Variants in ABHD16B observed in about 807,000 individuals in gnomAD.
The protein encoded by ABHD16B is abhydrolase domain containing 16B.
Under a neutral mutation model 10.5 loss-of-function variants are expected in ABHD16B, and 14 were observed. The ratio of observed to expected loss-of-function variants is 1.33; its 90% CI spans 0.88 to 2.08. ABHD16B has a LOEUF of 2.08. Among genes scored for constraint, ABHD16B ranks in the 30% most tolerant of loss-of-function variants. ABHD16B has a pLI of 0.00. For synonymous variants in ABHD16B, 374 were observed against 337.9 expected, an observed-to-expected ratio of 1.11 and a Z score of -1.17; for missense variants, 763 against 717.4, an observed-to-expected ratio of 1.06 and a Z score of -0.73.
chr20:63,862,694 C>A lies in ABHD16B; in HGVS notation c.1154C>A (p.Ala385Glu). 2 of 1,534,680 alleles carry A rather than the reference C, an allele frequency of 1.3e-6. No individual in the cohort carries two copies. The highest frequency in any genetic ancestry group is 2.4e-5 in the South Asian group (2 of 83,738). ...GSLAQEAAFYARYRVDEDWCL... is the reference protein window; with the variant it reads ...GSLAQEAAFYERYRVDEDWCL... ...TTGGCGCAGGAGGCCGCCTTCTATG[C>A]ACGCTACCGCGTGGACGAGGACTGG... is the stretch of plus-strand genomic sequence containing the variant. The change falls in exon 1 of 1, where the codon GCA (alanine) becomes GAA (glutamate). Residue 385 changes from alanine to glutamate, a missense_variant. By Grantham distance (107) the Ala-to-Glu change is moderately radical. Transcript: ENST00000369916. The surrounding 1 kb of genome is among the most constrained non-coding windows in gnomAD (Gnocchi z 7.5).
In ABHD16B at chr20:63,861,526, T is replaced by A. The variant is rs1461270693; in HGVS notation, c.-15T>A. The A allele has an allele frequency of 3.2e-6, 5 of 1,541,652 alleles. No homozygotes were observed. The African/African-American group carries it at 6.9e-5, about 21-fold the overall frequency. ...GCGATCCCGGCCCAGCGGCTGGGCG[T>A]TAGGGCCACCGCTCATGTGCGTCAT... is the stretch of plus-strand genomic sequence containing the variant. On this transcript the variant is annotated 5_prime_UTR_variant, in exon 1 of 1. Coordinates refer to ENST00000369916, the MANE Select transcript of ABHD16B (RefSeq NM_080622.4). This position sits in a 1 kb window ranked among gnomAD's most constrained non-coding sequence, Gnocchi z 5.4.
chr20:63,861,906 G>C lies in ABHD16B; in HGVS notation c.366G>C (p.Ala122=), dbSNP rs753188555. The C allele has an allele frequency of 6.3e-7, 1 of 1,587,850 alleles. No individual in the cohort carries two copies. Among genetic ancestry groups the C allele is most frequent in the Non-Finnish European group, 8.5e-7 (1 of 1,173,428 alleles). Reference sequence around the variant, plus strand: ...GCTCCGTGTCCCTGATGACGCGCGCGCTGCTGCCGCTGCTGCAGCAGGGCC... The same window carrying C: ...GCTCCGTGTCCCTGATGACGCGCGCCCTGCTGCCGCTGCTGCAGCAGGGCC... The part of the protein sequence containing the change: ...YPGSVSLMTR[A]LLPLLQQGQE... The change falls in exon 1 of 1, where the codon GCG becomes GCC. Residue 122 remains alanine, a synonymous_variant. Transcript: ENST00000369916. The surrounding 1 kb of genome is among the most constrained non-coding windows in gnomAD (Gnocchi z 5.4).
Position 63,862,524 on chromosome 20 carries a change from G to T in ABHD16B, c.984G>T (p.Ser328=), listed in dbSNP as rs750477284. Residue 328 remains serine (S), a synonymous_variant, in exon 1 of 1, where the codon TCG becomes TCT. Transcript: ENST00000369916. The surrounding 1 kb of genome is among the most constrained non-coding windows in gnomAD (Gnocchi z 7.5). ...RRTQDDVVST[S]GRLRPLSPGD... is the part of the protein sequence containing the mutation. The stretch of plus-strand genomic sequence containing the variant: ...CGCAGGATGACGTGGTCAGCACTTC[G>T]GGCCGCCTGCGCCCCCTGTCACCTG... 2 of 1,569,286 alleles carry T rather than the reference G, an allele frequency of 1.3e-6. No individual in the cohort carries two copies. Among genetic ancestry groups the T allele is most frequent in the East Asian group, 2.3e-5 (1 of 43,198 alleles).
At position 63,862,751 on chromosome 20, in the gene ABHD16B, G is replaced by A. The variant is rs2052103889; in HGVS notation, c.1211G>A (p.Arg404His). Reference sequence around the variant, plus strand: ...GCGCTGCTGCGCTCCTACCGTGCACGCTGCGAAGAGGAGCTGGAGGGCGAG... The same window carrying A: ...GCGCTGCTGCGCTCCTACCGTGCACACTGCGAAGAGGAGCTGGAGGGCGAG... ...CLALLRSYRARCEEELEGEEA... is the reference protein window; with the variant it reads ...CLALLRSYRAHCEEELEGEEA... Residue 404 changes from arginine (R) to histidine (H), a missense_variant, in exon 1 of 1, where the codon CGC (arginine) becomes CAC (histidine). Arg to His is a conservative substitution (Grantham distance 29, BLOSUM62 0). Transcript: ENST00000369916. This position sits in a 1 kb window ranked among gnomAD's most constrained non-coding sequence, Gnocchi z 7.5. The A allele has an allele frequency of 2.0e-6, 3 of 1,528,616 alleles. No individual in the cohort carries two copies. The highest frequency in any genetic ancestry group is 2.4e-5 in the South Asian group (2 of 83,226). 94.7% of individuals were successfully genotyped at this position (1,528,616 alleles called of 1,614,324 possible).
In ABHD16B at chr20:63,862,942, C is replaced by A. The variant is rs113433577; in HGVS notation, c.1402C>A (p.Arg468=). 1.8e-4 allele frequency: 271 copies of A among 1,464,882 alleles called. 3 individuals carry two copies. The East Asian group carries it at 5.7e-3, about 31-fold the overall frequency. The allele number at this position is 1,464,882 out of a possible 1,614,324, so 90.7% of individuals were successfully genotyped here. The change falls in exon 1 of 1, where the codon CGG becomes AGG. Residue 468 remains arginine, a synonymous_variant. Coordinates refer to ENST00000369916, the MANE Select transcript of ABHD16B (RefSeq NM_080622.4). This position sits in a 1 kb window ranked among gnomAD's most constrained non-coding sequence, Gnocchi z 7.5. The part of the protein sequence containing the change: ...LEPEEFQLPW[R]L ...GCCTGAGGAGTTTCAGTTGCCCTGG[C>A]GGCTGTAACCTATATGCCCCAGTGG... is the stretch of plus-strand genomic sequence containing the variant.
chr20:63,862,984 A>T lies in ABHD16B; in HGVS notation c.*34A>T. ...CCCCAGTGGGGGATCACGCACTTGA[A>T]CTCCTGGCCTTCTTGGTTCACCTCC... On this transcript the variant is annotated 3_prime_UTR_variant, in exon 1 of 1. Transcript: ENST00000369916. The surrounding 1 kb of genome is among the most constrained non-coding windows in gnomAD (Gnocchi z 7.5). 8.9e-7 allele frequency: 1 copy of T among 1,124,936 alleles called. No homozygotes were observed. Among genetic ancestry groups the T allele is most frequent in the Admixed American group, 5.5e-5 (1 of 18,312 alleles). 69.7% of individuals were successfully genotyped at this position (1,124,936 alleles called of 1,614,324 possible). A position where few individuals can be genotyped will look rare whatever the true frequency, so the allele number is the denominator to read the frequency against.
chr20:63,862,519 A>G lies in ABHD16B; in HGVS notation c.979A>G (p.Thr327Ala), dbSNP rs775365845. 1.3e-6 allele frequency: 2 copies of G among 1,568,866 alleles called. No individual in the cohort carries two copies. Among genetic ancestry groups the G allele is most frequent in the South Asian group, 2.3e-5 (2 of 86,946 alleles). Reference protein sequence around the residue: ...LRRTQDDVVSTSGRLRPLSPG... With the variant: ...LRRTQDDVVSASGRLRPLSPG... ...ACGCACGCAGGATGACGTGGTCAGC[A>G]CTTCGGGCCGCCTGCGCCCCCTGTC... Residue 327 changes from threonine to alanine, a missense_variant, in exon 1 of 1, where the codon ACT becomes GCT. Physicochemically the swap from Thr to Ala is moderately conservative, Grantham distance 58. Coordinates refer to ENST00000369916, the MANE Select transcript of ABHD16B (RefSeq NM_080622.4). The surrounding 1 kb of genome is among the most constrained non-coding windows in gnomAD (Gnocchi z 7.5).
chr20:63,862,877 ACCT>A lies in ABHD16B; in HGVS notation c.1339_1341del (p.Leu447del). 1 of 1,538,570 alleles carries A rather than the reference ACCT, an allele frequency of 6.5e-7. No homozygotes were observed. On this transcript the variant is annotated inframe_deletion, in exon 1 of 1. Transcript: ENST00000369916. The surrounding 1 kb of genome is among the most constrained non-coding windows in gnomAD (Gnocchi z 7.5). ...CTCGCACTGTTCCTGGCTCGGAAGC[ACCT>A]CAAGAACGTGGAGGCGACTCACTTC...
Position 63,861,698 on chromosome 20 carries a change from C to A in ABHD16B, c.158C>A (p.Ala53Glu). The A allele has an allele frequency of 6.8e-7, 1 of 1,478,722 alleles. No homozygotes were observed. Among genetic ancestry groups the A allele is most frequent in the Non-Finnish European group, 8.9e-7 (1 of 1,122,024 alleles). 91.6% of individuals were successfully genotyped at this position (1,478,722 alleles called of 1,614,324 possible). The change falls in exon 1 of 1, where the codon GCG becomes GAG. Residue 53 changes from alanine (A) to glutamate (E), a missense_variant. Physicochemically the swap from Ala to Glu is moderately radical, Grantham distance 107. Transcript: ENST00000369916. This position sits in a 1 kb window ranked among gnomAD's most constrained non-coding sequence, Gnocchi z 5.4. ...AGCAGCCACCGGGCGCTGACCTGCG[C>A]GGCAGCCGCGGCGGGCGTGTGGTTG... is the stretch of plus-strand genomic sequence containing the variant. ...RSSSHRALTC[A>E]AAAAGVWLLR...
chr20:63,861,912 G>GC lies in ABHD16B; in HGVS notation c.374dup (p.Leu126AlafsTer24), dbSNP rs2052087762. 7 of 1,589,908 alleles carry GC rather than the reference G, an allele frequency of 4.4e-6. No individual in the cohort carries two copies. The highest frequency in any genetic ancestry group is 2.7e-5 in the African/African-American group (2 of 74,478). The stretch of plus-strand genomic sequence containing the variant: ...TGTCCCTGATGACGCGCGCGCTGCT[G>GC]CCGCTGCTGCAGCAGGGCCAAGAGC... On this transcript the variant is annotated frameshift_variant, in exon 1 of 1. Transcript: ENST00000369916. LOFTEE classifies it high-confidence loss of function. This position sits in a 1 kb window ranked among gnomAD's most constrained non-coding sequence, Gnocchi z 5.4.
chr20:63,861,928 G>A lies in ABHD16B; in HGVS notation c.388G>A (p.Gly130Ser), dbSNP rs531815728. Residue 130 changes from glycine to serine, a missense_variant, in exon 1 of 1, where the codon GGC becomes AGC. Transcript: ENST00000369916. The surrounding 1 kb of genome is among the most constrained non-coding windows in gnomAD (Gnocchi z 5.4). The part of the protein sequence containing the change: ...TRALLPLLQQ[G>S]QERLVERYHG... ...CGCGCTGCTGCCGCTGCTGCAGCAG[G>A]GCCAAGAGCGCCTCGTGGAGCGCTA... 103 of 1,593,812 alleles carry A rather than the reference G, an allele frequency of 6.5e-5. 2 individuals are homozygous for A. In the South Asian group the frequency reaches 9.0e-4, roughly 14 times the overall value.
At position 63,862,870 on chromosome 20, in the gene ABHD16B, C is replaced by G. The variant is rs562490001; in HGVS notation, c.1330C>G (p.Arg444Gly). The part of the protein sequence containing the change: ...RRRRLALFLA[R>G]KHLKNVEATH... Reference sequence around the variant, plus strand: ...CCGGCGCCTCGCACTGTTCCTGGCTCGGAAGCACCTCAAGAACGTGGAGGC... The same window carrying G: ...CCGGCGCCTCGCACTGTTCCTGGCTGGGAAGCACCTCAAGAACGTGGAGGC... Residue 444 changes from arginine to glycine, a missense_variant, in exon 1 of 1, where the codon CGG becomes GGG. Physicochemically the swap from Arg to Gly is moderately radical, Grantham distance 125. Transcript: ENST00000369916. This position sits in a 1 kb window ranked among gnomAD's most constrained non-coding sequence, Gnocchi z 7.5. The G allele has an allele frequency of 1.3e-6, 2 of 1,541,020 alleles. No individual in the cohort carries two copies. The highest frequency in any genetic ancestry group is 1.4e-5 in the African/African-American group (1 of 72,690).
chr20:63,862,439 A>G lies in ABHD16B; in HGVS notation c.899A>G (p.Asn300Ser), dbSNP rs759351812. Residue 300 changes from asparagine (N) to serine (S), a missense_variant, in exon 1 of 1, where the codon AAC (asparagine) becomes AGC (serine). By Grantham distance (46) the Asn-to-Ser change is conservative (BLOSUM62 1). Coordinates refer to ENST00000369916, the MANE Select transcript of ABHD16B (RefSeq NM_080622.4). This position sits in a 1 kb window ranked among gnomAD's most constrained non-coding sequence, Gnocchi z 7.5. ...GTGCGCACCGTGCGCGAGCACTTCA[A>G]CCTCAACGTGGCCGAGCAGCTGTGC... ...LVVRTVREHFNLNVAEQLCCY... is the reference protein window; with the variant it reads ...LVVRTVREHFSLNVAEQLCCY... The G allele has an allele frequency of 3.9e-5, 62 of 1,575,768 alleles. No individual in the cohort carries two copies. Among genetic ancestry groups the G allele is most frequent in the Admixed American group, 1.5e-4 (8 of 55,094 alleles).
Position 63,862,473 on chromosome 20 carries a change from G to C in ABHD16B, c.933G>C (p.Pro311=), listed in dbSNP as rs1166652038. 8 of 1,564,534 alleles carry C rather than the reference G, an allele frequency of 5.1e-6. No individual in the cohort carries two copies. In the South Asian group the frequency reaches 8.1e-5, roughly 16 times the overall value. The change falls in exon 1 of 1, where the codon CCG becomes CCC. Residue 311 remains proline, a synonymous_variant. Coordinates refer to ENST00000369916, the MANE Select transcript of ABHD16B (RefSeq NM_080622.4). This position sits in a 1 kb window ranked among gnomAD's most constrained non-coding sequence, Gnocchi z 7.5. ...TGGCCGAGCAGCTGTGCTGCTACCC[G>C]GGGCCGGTGCTGCTGCTCCGACGCA... ...LNVAEQLCCY[P]GPVLLLRRTQ...
In ABHD16B at chr20:63,862,093, G is replaced by C. The variant is rs747028220; in HGVS notation, c.553G>C (p.Glu185Gln). The C allele has an allele frequency of 1.2e-6, 2 of 1,611,782 alleles. No homozygotes were observed. The highest frequency in any genetic ancestry group is 1.7e-5 in the Admixed American group (1 of 59,930). Reference sequence around the variant, plus strand: ...CTGCGAAGGCAACGCGGGCTTCTACGAGATGGGCTGTCTGTCTGCACCGCT... The same window carrying C: ...CTGCGAAGGCAACGCGGGCTTCTACCAGATGGGCTGTCTGTCTGCACCGCT... ...ICCEGNAGFY[E>Q]MGCLSAPLEA... The change falls in exon 1 of 1, where the codon GAG becomes CAG. Residue 185 changes from glutamate (E) to glutamine (Q), a missense_variant. By Grantham distance (29) the Glu-to-Gln change is conservative (BLOSUM62 2). Transcript: ENST00000369916. The surrounding 1 kb of genome is among the most constrained non-coding windows in gnomAD (Gnocchi z 7.5).
Position 63,861,834 on chromosome 20 carries a change from TA to T in ABHD16B, c.295del (p.Ser99AlafsTer20). On this transcript the variant is annotated frameshift_variant, in exon 1 of 1. Transcript: ENST00000369916. LOFTEE classifies it high-confidence loss of function. The surrounding 1 kb of genome is among the most constrained non-coding windows in gnomAD (Gnocchi z 5.4). ...TCCGCGAGCTGCCCGGCCAGCTCGC[TA>T]GCTACGCGCTGGCCCACTCGCTGGG... ...QLRELPGQLASYALAHSLGRW... is the reference protein window; with the variant it reads ...QLRELPGQLAXYALAHSLGRW... 1.3e-6 allele frequency: 2 copies of T among 1,526,838 alleles called. No individual in the cohort carries two copies. The highest frequency in any genetic ancestry group is 1.7e-6 in the Non-Finnish European group (2 of 1,142,994). 94.6% of individuals were successfully genotyped at this position (1,526,838 alleles called of 1,614,324 possible).
At position 63,862,580 on chromosome 20, in the gene ABHD16B, T is replaced by C; in HGVS notation, c.1040T>C (p.Leu347Pro). 6.4e-7 allele frequency: 1 copy of C among 1,564,984 alleles called. No homozygotes were observed. The highest frequency in any genetic ancestry group is 8.6e-7 in the Non-Finnish European group (1 of 1,160,442). The change falls in exon 1 of 1, where the codon CTG becomes CCG. Residue 347 changes from leucine to proline, a missense_variant. Physicochemically the swap from Leu to Pro is moderately conservative, Grantham distance 98. Coordinates refer to ENST00000369916, the MANE Select transcript of ABHD16B (RefSeq NM_080622.4). The surrounding 1 kb of genome is among the most constrained non-coding windows in gnomAD (Gnocchi z 7.5). ...GTGGAGGGCAACCGGGGCAATGAGCTGCTGCTGCGCCTGCTGGAGCACCGC... is the reference window on the plus strand; with the variant it reads ...GTGGAGGGCAACCGGGGCAATGAGCCGCTGCTGCGCCTGCTGGAGCACCGC... ...GDVEGNRGNELLLRLLEHRYP... is the reference protein window; with the variant it reads ...GDVEGNRGNEPLLRLLEHRYP...
Position 63,862,608 on chromosome 20 carries a change from C to T in ABHD16B, c.1068C>T (p.Tyr356=). 1 of 1,553,408 alleles carries T rather than the reference C, an allele frequency of 6.4e-7. No individual in the cohort carries two copies. Among genetic ancestry groups the T allele is most frequent in the South Asian group, 1.2e-5 (1 of 85,354 alleles). The change falls in exon 1 of 1, where the codon TAC becomes TAT. Residue 356 remains tyrosine (Y), a synonymous_variant. Coordinates refer to ENST00000369916, the MANE Select transcript of ABHD16B (RefSeq NM_080622.4). This position sits in a 1 kb window ranked among gnomAD's most constrained non-coding sequence, Gnocchi z 7.5. ...ELLLRLLEHR[Y]PVVMAREGRA... is the part of the protein sequence containing the mutation. Reference sequence around the variant, plus strand: ...TGCTGCGCCTGCTGGAGCACCGCTACCCCGTCGTGATGGCGCGAGAGGGCC... The same window carrying T: ...TGCTGCGCCTGCTGGAGCACCGCTATCCCGTCGTGATGGCGCGAGAGGGCC...
At position 63,862,556 on chromosome 20, in the gene ABHD16B, T is replaced by A; in HGVS notation, c.1016T>A (p.Val339Glu). Reference protein sequence around the residue: ...GRLRPLSPGDVEGNRGNELLL... With the variant: ...GRLRPLSPGDEEGNRGNELLL... Reference sequence around the variant, plus strand: ...CTGCGCCCCCTGTCACCTGGTGACGTGGAGGGCAACCGGGGCAATGAGCTG... The same window carrying A: ...CTGCGCCCCCTGTCACCTGGTGACGAGGAGGGCAACCGGGGCAATGAGCTG... The change falls in exon 1 of 1, where the codon GTG (valine) becomes GAG (glutamate). Residue 339 changes from valine to glutamate, a missense_variant. Physicochemically the swap from Val to Glu is moderately radical, Grantham distance 121. Transcript: ENST00000369916. This position sits in a 1 kb window ranked among gnomAD's most constrained non-coding sequence, Gnocchi z 7.5. The A allele has an allele frequency of 6.4e-7, 1 of 1,572,502 alleles. No individual in the cohort carries two copies. Among genetic ancestry groups the A allele is most frequent in the Non-Finnish European group, 8.6e-7 (1 of 1,164,626 alleles).
Sources: gnomAD v4.1 joint callset for allele counts on GRCh38, gnomAD v4.1.1 for gene constraint, Gnocchi (gnomAD v3.1) non-coding constraint, MANE v1.5 for transcripts, NCBI Gene and HGNC (gene_info 2026-07-23, HGNC 2026-07-21) for gene names.